The following SEMA6D variants were observed in gnomAD, a reference collection of about 807,000 sequenced individuals.
SEMA6D encodes the protein semaphorin-6D.
A neutral mutation model predicts 106.6 loss-of-function variants in SEMA6D; 35 were observed. The observed-to-expected ratio is 0.33, with a 90% confidence interval of 0.25 to 0.44. The LOEUF (loss-of-function observed/expected upper bound fraction) is 0.44, where lower values mean the gene tolerates loss of function less well. SEMA6D is among the 20% of genes least tolerant of loss of function. The probability of loss-of-function intolerance (pLI) is 1.00; values close to 1 mark genes in which losing one functional copy is unlikely to be tolerated. For synonymous variants in SEMA6D, 499 were observed against 487.7 expected (o/e 1.02, Z -0.31); for missense variants, 1,185 against 1,345.9 (o/e 0.88, Z 1.87).
At chr15:47,691,002 A>G (rs982816968) in intron 4 of SEMA6D, among the ~76,000 whole-genome samples, 1 of 152,134 alleles carries the variant, frequency 6.6e-6, no homozygotes, top group African/African-American at 2.4e-5. Flanking sequence ...TATTTTTTAG[A>G]ATATGCCAGT....
intron 1 of SEMA6D, among the ~76,000 whole-genome samples, chr15:47,192,751 G>A (rs1033859299): frequency 6.6e-6 from 1 of 152,176 alleles, no homozygotes; most frequent in African/African-American, 2.4e-5. Context: ...AATGGAAATT[G>A]TTCTGTGTAG....
intron 1 of SEMA6D, among the ~76,000 whole-genome samples, chr15:47,237,517 G>A (rs2032630249): frequency 6.6e-6 from 1 of 151,976 alleles, no homozygotes; most frequent in Non-Finnish European, 1.5e-5. Flanking sequence ...TGACCGAAGG[G>A]ATATGAGTGT....
intron 1 of SEMA6D, among the ~76,000 whole-genome samples, chr15:47,723,686 C>T (rs2079556314): frequency 6.7e-6 from 1 of 148,224 alleles, no homozygotes; most frequent in Non-Finnish European, 1.5e-5. Context: ...AATTCTCTCT[C>T]ATGCATCAGC....
chr15:47,763,735 T>A (rs483656), intron 9 of SEMA6D, 115 bp from the exon 10 acceptor site: 1 of 909,978 alleles, frequency 1.1e-6, no homozygotes, highest in Non-Finnish European at 1.8e-6. Context: ...CTGCTAGATT[T>A]TTTTGAACCA....
rs560909784 is a variant in SEMA6D, at chr15:47,521,221, A to G, written c.-87+50676A>G. ...GCAGTGCTCTCTGATGGCACCTGGAAGGGAAGAGGTGTCATAAGTGAGTTG... is the reference window on the plus strand; with the variant it reads ...GCAGTGCTCTCTGATGGCACCTGGAGGGGAAGAGGTGTCATAAGTGAGTTG... On this transcript the variant is annotated intron_variant, in intron 3 of 19. Coordinates refer to the SEMA6D transcript ENST00000558014. Among the ~76,000 whole-genome samples the G allele has an allele frequency of 3.9e-5, 6 of 152,292 alleles. No individual in the cohort carries two copies. The East Asian group carries it at 1.2e-3, about 29-fold the overall frequency.
intron 1 of SEMA6D, among the ~76,000 whole-genome samples, chr15:47,385,949 G>A (rs2039824398): frequency 6.6e-6 from 1 of 152,186 alleles, no homozygotes; most frequent in African/African-American, 2.4e-5. Flanking sequence ...ACACTAACTA[G>A]TTGTGCAGCA....
At chr15:47,755,489 T>C (rs986328246) in intron 1 of SEMA6D, among the ~76,000 whole-genome samples, 2 of 152,306 alleles carry the variant, frequency 1.3e-5, no homozygotes, top group East Asian at 3.9e-4. Context: ...ATGTAAATAA[T>C]TGTAGTCTCT....
intron 2 of SEMA6D, among the ~76,000 whole-genome samples, chr15:47,458,784 A>G (rs2042416782): frequency 6.6e-6 from 1 of 152,044 alleles, no homozygotes; most frequent in Non-Finnish European, 1.5e-5. Context: ...TCAATGGCAT[A>G]TGCTTCCATC....
At chr15:47,606,479 C>T (rs1596424265) in intron 4 of SEMA6D, 2 of 152,152 alleles carry the variant, frequency 1.3e-5, no homozygotes, top group East Asian at 3.9e-4. Flanking sequence ...CACAAAGCCA[C>T]AGTACCTTTT....
intron 3 of SEMA6D, among the ~76,000 whole-genome samples, chr15:47,584,131 T>C (rs2076297866): frequency 6.6e-6 from 1 of 152,136 alleles, no homozygotes; most frequent in South Asian, 2.1e-4. Flanking sequence ...AACAGAACTT[T>C]CATGTGTAAT....
At chr15:47,672,307 G>C (rs139822476) in intron 4 of SEMA6D, among the ~76,000 whole-genome samples, 1 of 152,218 alleles carries the variant, frequency 6.6e-6, no homozygotes, top group East Asian at 1.9e-4. Context: ...AGTGAGAAAT[G>C]GCTTTCCTGA....
At chr15:47,336,113 A>C (rs369956584) in intron 1 of SEMA6D, among the ~76,000 whole-genome samples, 7 of 152,354 alleles carry the variant, frequency 4.6e-5, no homozygotes, top group African/African-American at 1.7e-4. Flanking sequence ...TTGCACAAGA[A>C]AGAGAAGTTC....
At chr15:47,333,633 T>C (rs893481917) in intron 1 of SEMA6D, among the ~76,000 whole-genome samples, 4 of 152,294 alleles carry the variant, frequency 2.6e-5, no homozygotes, top group African/African-American at 7.2e-5. Flanking sequence ...TCAGCAAAGA[T>C]TGATTTAGTA....
chr15:47,226,724 CAT>C (rs1489829822), intron 1 of SEMA6D, among the ~76,000 whole-genome samples: 5 of 152,006 alleles, frequency 3.3e-5, no homozygotes, highest in Non-Finnish European at 4.4e-5. Context: ...ACAATCAAGA[CAT>C]ATGCCTGCTT....
chr15:47,509,529 G>A (rs960285603), intron 3 of SEMA6D, among the ~76,000 whole-genome samples: 1 of 152,136 alleles, frequency 6.6e-6, no homozygotes, highest in East Asian at 1.9e-4. Flanking sequence ...TCCCTGCCAT[G>A]ACATTGAAGG....
At chr15:47,394,870 G>A (rs1163230928) in intron 1 of SEMA6D, among the ~76,000 whole-genome samples, 1 of 152,108 alleles carries the variant, frequency 6.6e-6, no homozygotes, top group African/African-American at 2.4e-5. Context: ...AGAATATTAA[G>A]ACATTATGTG....
intron 1 of SEMA6D, chr15:47,274,668 C>G (rs1427993563): frequency 6.6e-6 from 1 of 152,170 alleles, no homozygotes; most frequent in East Asian, 1.9e-4. Flanking sequence ...TAAAGTGTTG[C>G]AGTAAGGGAA....
At chr15:47,519,221 C>T (rs990043908) in intron 3 of SEMA6D, among the ~76,000 whole-genome samples, 4 of 152,136 alleles carry the variant, frequency 2.6e-5, no homozygotes, top group Middle Eastern at 3.2e-3. Flanking sequence ...ATGTTCTACA[C>T]GTAATTGTAT....
intron 1 of SEMA6D, among the ~76,000 whole-genome samples, chr15:47,190,141 A>G (rs2140937055): frequency 6.6e-6 from 1 of 152,302 alleles, no homozygotes; most frequent in African/African-American, 2.4e-5. Context: ...CTAAGGTGCT[A>G]AATATCTAAT....
Sources: allele counts gnomAD v4.1 joint callset (sites outside exome capture counted in the v4.1 genomes callset), GRCh38; gene constraint gnomAD v4.1.1; transcripts MANE v1.5; gene names NCBI Gene and HGNC (gene_info 2026-07-23, HGNC 2026-07-21).